CCDC6: variants seen among roughly 807,000 people sequenced by gnomAD.
CCDC6 encodes coiled-coil domain containing 6.
CCDC6 carries 20 observed loss-of-function variants against 56.6 expected under a neutral mutation model. That is an observed-to-expected ratio of 0.35 (90% confidence interval 0.25 to 0.51). The LOEUF (loss-of-function observed/expected upper bound fraction) is 0.51, where lower values mean the gene tolerates loss of function less well. Among genes scored for constraint, CCDC6 ranks in the 20% least tolerant of loss-of-function variants. The probability of loss-of-function intolerance (pLI) is 0.95; values close to 1 mark genes in which losing one functional copy is unlikely to be tolerated. For missense variants in CCDC6, 367 were observed against 601.1 expected, an observed-to-expected ratio of 0.61 and a Z score of 4.07; for synonymous variants, 241 against 234.4, an observed-to-expected ratio of 1.03 and a Z score of -0.26.
Position 59,798,819 on chromosome 10 carries a change from C to G in CCDC6, c.1106-4222G>C, listed in dbSNP as rs183075120. 1.0e-3 allele frequency among the ~76,000 whole-genome samples: 155 copies of G among 151,470 alleles called. 1 individual carries two copies. The highest frequency in any genetic ancestry group is 3.7e-3 in the African/African-American group (154 of 41,230). ...ACCAGCCTGACCAACATGGTGAAAC[C>G]CCATCTCTACTAAAAATACAAAAAC... On this transcript the variant is annotated intron_variant, in intron 7 of 8. Coordinates refer to ENST00000263102, the MANE Select transcript of CCDC6 (RefSeq NM_005436.5).
At position 59,791,117 on chromosome 10, in the gene CCDC6, A is replaced by G. The variant is rs2070463492; in HGVS notation, c.*1800T>C. 4.9e-6 allele frequency: 1 copy of G among 202,874 alleles called. No homozygotes were observed. Among genetic ancestry groups the G allele is most frequent in the Non-Finnish European group, 1.0e-5 (1 of 98,890 alleles). 12.6% of individuals were successfully genotyped at this position (202,874 alleles called of 1,614,324 possible). A position where few individuals can be genotyped will look rare whatever the true frequency, so the allele number is the denominator to read the frequency against. ...GTTTGACATGGCCCAGTCTGATCAC[A>G]TCAAAAACCTAAAGCCTCAATGATT... is the stretch of plus-strand genomic sequence containing the variant. On this transcript the variant is annotated 3_prime_UTR_variant, in exon 9 of 9. Coordinates refer to ENST00000263102, the MANE Select transcript of CCDC6 (RefSeq NM_005436.5).
rs533299752 is a variant in CCDC6, at chr10:59,886,669, C to T, written c.303+19453G>A. On this transcript the variant is annotated intron_variant, in intron 1 of 8. Coordinates refer to ENST00000263102, the MANE Select transcript of CCDC6 (RefSeq NM_005436.5). ...ATAAAAATAAAAATTTTCACTGTGGCCAAAAAACACCAAAAGCCAAGTCAA... is the reference window on the plus strand; with the variant it reads ...ATAAAAATAAAAATTTTCACTGTGGTCAAAAAACACCAAAAGCCAAGTCAA... Among the ~76,000 whole-genome samples, 4 of 152,120 alleles carry T rather than the reference C, an allele frequency of 2.6e-5. No homozygotes were observed. The South Asian group carries it at 8.3e-4, about 32-fold the overall frequency.
At chr10:59,897,399 A>C (rs1357281079) in intron 1 of CCDC6, among the ~76,000 whole-genome samples, 1 of 151,926 alleles carries the variant, frequency 6.6e-6, no homozygotes, top group Non-Finnish European at 1.5e-5. Flanking sequence ...GATTACAGGC[A>C]TGCACCACCA....
chr10:59,905,007 A>G (rs1051415785), intron 1 of CCDC6, among the ~76,000 whole-genome samples: 1 of 152,082 alleles, frequency 6.6e-6, no homozygotes, highest in African/African-American at 2.4e-5. Flanking sequence ...GTTCAGCCTA[A>G]TCCGCTATTT....
At chr10:59,815,556 G>C (rs2070703908) in intron 3 of CCDC6, among the ~76,000 whole-genome samples, 1 of 152,144 alleles carries the variant, frequency 6.6e-6, no homozygotes, top group South Asian at 2.1e-4. Flanking sequence ...TTATATACTT[G>C]TGAAACAGTA....
intron 2 of CCDC6, 46 bp downstream of exon 2, chr10:59,852,507 A>C: frequency 6.7e-7 from 1 of 1,493,074 alleles, no homozygotes; most frequent in Non-Finnish European, 8.9e-7. Flanking sequence ...TTCTCCTAGA[A>C]AGGAAAATAG....
chr10:59,849,812 T>C (rs1419930324), intron 2 of CCDC6, among the ~76,000 whole-genome samples: 1 of 152,148 alleles, frequency 6.6e-6, no homozygotes, highest in Non-Finnish European at 1.5e-5. Context: ...AATAATTACA[T>C]AGTTGAAAAA....
At chr10:59,904,309 A>T (rs779677405) in intron 1 of CCDC6, among the ~76,000 whole-genome samples, 1 of 152,234 alleles carries the variant, frequency 6.6e-6, no homozygotes. Context: ...TGCAAAGCCA[A>T]CATGTTTAAG....
intron 1 of CCDC6, among the ~76,000 whole-genome samples, chr10:59,879,271 CTTAG>C (rs1055167677): frequency 3.3e-5 from 5 of 152,248 alleles, no homozygotes; most frequent in East Asian, 3.9e-4. Flanking sequence ...AGAACACTTA[CTTAG>C]TATCTTAAAG....
chr10:59,861,432 CAAA>C (rs55716341), intron 1 of CCDC6, among the ~76,000 whole-genome samples: 19 of 88,952 alleles, frequency 2.1e-4, no homozygotes, highest in African/African-American at 6.9e-4. Context: ...CAAAAATTAC[CAAA>C]AAAAAAAAAA....
At chr10:59,803,449 A>G (rs2070593455) in intron 7 of CCDC6, among the ~76,000 whole-genome samples, 1 of 152,010 alleles carries the variant, frequency 6.6e-6, no homozygotes, top group African/African-American at 2.4e-5. Context: ...CTACTGCAAA[A>G]CTCTGCCTCT....
intron 2 of CCDC6, among the ~76,000 whole-genome samples, chr10:59,843,312 T>C (rs1210401257): frequency 6.6e-6 from 1 of 152,262 alleles, no homozygotes; most frequent in East Asian, 1.9e-4. Context: ...AGAAGACAGT[T>C]TTCTTTTTCT....
At chr10:59,876,735 T>C (rs914494787) in intron 1 of CCDC6, among the ~76,000 whole-genome samples, 3 of 152,124 alleles carry the variant, frequency 2.0e-5, no homozygotes, top group Non-Finnish European at 4.4e-5. Context: ...TGTATTAAAA[T>C]TAAAAAAAAT....
At chr10:59,845,087 G>A (rs2070979682) in intron 2 of CCDC6, among the ~76,000 whole-genome samples, 1 of 152,150 alleles carries the variant, frequency 6.6e-6, no homozygotes, top group Non-Finnish European at 1.5e-5. Flanking sequence ...TTTTAAAACT[G>A]TTCCTAGTGA....
At chr10:59,824,516 G>C (rs1323167477) in intron 3 of CCDC6, among the ~76,000 whole-genome samples, 2 of 152,144 alleles carry the variant, frequency 1.3e-5, no homozygotes, top group South Asian at 2.1e-4. Flanking sequence ...CATCACTGTG[G>C]ATTCGCTATA....
intron 1 of CCDC6, among the ~76,000 whole-genome samples, chr10:59,893,656 AT>A (rs1394441352): frequency 7.2e-6 from 1 of 138,580 alleles, no homozygotes; most frequent in Non-Finnish European, 1.6e-5. Flanking sequence ...ACATACATAC[AT>A]ACATACATAC....
At chr10:59,885,576 C>G (rs1298127778) in intron 1 of CCDC6, among the ~76,000 whole-genome samples, 1 of 152,132 alleles carries the variant, frequency 6.6e-6, no homozygotes, top group Non-Finnish European at 1.5e-5. Context: ...CTGGCCCCAC[C>G]TACTTCCAGC....
At chr10:59,800,565 C>A (rs1318447193) in intron 7 of CCDC6, among the ~76,000 whole-genome samples, 1 of 150,854 alleles carries the variant, frequency 6.6e-6, no homozygotes, top group Non-Finnish European at 1.5e-5. Context: ...AAAGGGTATA[C>A]AATATACACA....
At position 59,872,786 on chromosome 10, in the gene CCDC6, G is replaced by GC. The variant is rs2071242187; in HGVS notation, c.304-20085_304-20084insG. ...AGAGGATAACTTTCCAGATGGGGGG[G>GC]TGGGGGAAGGTAACAACATTAGAAA... On this transcript the variant is annotated intron_variant, in intron 1 of 8. Transcript: ENST00000263102. Among the ~76,000 whole-genome samples the GC allele has an allele frequency of 2.9e-5, 4 of 138,070 alleles. No homozygotes were observed. In the South Asian group the frequency reaches 9.5e-4, roughly 33 times the overall value. 90.6% of individuals were successfully genotyped at this position (138,070 alleles called of 152,430 possible). A position where few individuals can be genotyped will look rare whatever the true frequency, so the allele number is the denominator to read the frequency against.
Sources: gnomAD v4.1 joint callset for allele counts (sites outside exome capture counted in the v4.1 genomes callset) on GRCh38, gnomAD v4.1.1 for gene constraint, MANE v1.5 for transcripts, NCBI Gene and HGNC (gene_info 2026-07-23, HGNC 2026-07-21) for gene names.